MAP3K5: variants seen among roughly 807,000 people sequenced by gnomAD.
MAP3K5 encodes the protein mitogen-activated protein kinase kinase kinase 5, also known as ASK-1.
A neutral mutation model predicts 158.7 loss-of-function variants in MAP3K5; 56 were observed. The ratio of observed to expected loss-of-function variants is 0.35; its 90% CI spans 0.28 to 0.44. The LOEUF (loss-of-function observed/expected upper bound fraction) is 0.44. Ranked by LOEUF, MAP3K5 falls within the 20% of genes least tolerant of loss-of-function variation. The probability of loss-of-function intolerance (pLI) is 1.00; values close to 1 mark genes in which losing one functional copy is unlikely to be tolerated. For synonymous variants in MAP3K5, 579 were observed against 601.7 expected, an observed-to-expected ratio of 0.96 and a Z score of 0.55; for missense variants, 1,294 against 1,674.8, an observed-to-expected ratio of 0.77 and a Z score of 3.97.
At chr6:136,574,324 G>T (rs757283096) in intron 25 of MAP3K5, among the ~76,000 whole-genome samples, 1 of 152,144 alleles carries the variant, frequency 6.6e-6, no homozygotes, top group East Asian at 1.9e-4. Flanking sequence ...GAAGCTCCTC[G>T]TACGTACACA....
At chr6:136,751,765 T>C (rs773834352) in intron 1 of MAP3K5, among the ~76,000 whole-genome samples, 5 of 152,238 alleles carry the variant, frequency 3.3e-5, no homozygotes, top group Admixed American at 6.5e-5. Flanking sequence ...AAAGTAGATT[T>C]AGGCTTGCAT....
Position 136,719,155 on chromosome 6 carries a change from G to A in MAP3K5, c.588+1295C>T, listed in dbSNP as rs561885044. 1.1e-3 allele frequency among the ~76,000 whole-genome samples: 163 copies of A among 152,276 alleles called. 2 individuals carry two copies. Among genetic ancestry groups the A allele is most frequent in the Middle Eastern group, 0.01 (3 of 294 alleles). On this transcript the variant is annotated intron_variant, in intron 2 of 29. Coordinates refer to ENST00000359015, the MANE Select transcript of MAP3K5 (RefSeq NM_005923.4). ...CACGACACTGCATTCCAGCCTGGGT[G>A]AGAGAGCGAGATCCTGTCTAAATAA...
chr6:136,557,609 G>C lies in MAP3K5; in HGVS notation c.*149C>G. 1.7e-6 allele frequency: 1 copy of C among 577,068 alleles called. No homozygotes were observed. Among genetic ancestry groups the C allele is most frequent in the Non-Finnish European group, 3.1e-6 (1 of 326,718 alleles). The allele number at this position is 577,068 out of a possible 1,614,324, so 35.7% of individuals were successfully genotyped here. On this transcript the variant is annotated 3_prime_UTR_variant, in exon 30 of 30. Transcript: ENST00000359015. ...TAGTTAGGAAATTTCAGTGTGTTTT[G>C]TCTGTTTTTTTTTTTTTTAACATGA...
intron 9 of MAP3K5, among the ~76,000 whole-genome samples, chr6:136,657,418 T>TA (rs1392887187): frequency 6.6e-6 from 1 of 152,200 alleles, no homozygotes; most frequent in Admixed American, 6.5e-5. Context: ...GTTTTCTTGT[T>TA]AAAAAACCAG....
At chr6:136,635,653 C>T (rs1486670357) in intron 14 of MAP3K5, among the ~76,000 whole-genome samples, 5 of 145,716 alleles carry the variant, frequency 3.4e-5, no homozygotes, top group East Asian at 2.0e-4. Flanking sequence ...TTTGGGAGGC[C>T]GAAGAGGGAG....
rs543163894 is a variant in MAP3K5, at chr6:136,649,307, C to T, written c.1788+1677G>A. ...TTAATTAAACCAGCTCCCTGGGTGA[C>T]TCTAATGCTGGTGTTCCAGGGAACC... is the stretch of plus-strand genomic sequence containing the variant. On this transcript the variant is annotated intron_variant, in intron 11 of 29. Coordinates refer to ENST00000359015, the MANE Select transcript of MAP3K5 (RefSeq NM_005923.4). Among the ~76,000 whole-genome samples the T allele has an allele frequency of 5.3e-5, 8 of 152,324 alleles. No individual in the cohort carries two copies. The South Asian group carries it at 1.7e-3, about 32-fold the overall frequency.
chr6:136,599,475 ATCTCTC>A (rs71737097), intron 21 of MAP3K5, among the ~76,000 whole-genome samples: 111 of 142,086 alleles, frequency 7.8e-4, no homozygotes, highest in African/African-American at 1.3e-3. Context: ...CACTTAAAGG[ATCTCTC>A]TCTCTCTCTC....
chr6:136,759,671 C>T (rs182430859), intron 1 of MAP3K5, among the ~76,000 whole-genome samples: 3 of 151,240 alleles, frequency 2.0e-5, no homozygotes, highest in African/African-American at 4.8e-5. Context: ...GAGGTTTTTG[C>T]CATATTGCCC....
chr6:136,595,726 C>T (rs1238040019), intron 21 of MAP3K5, among the ~76,000 whole-genome samples: 2 of 152,046 alleles, frequency 1.3e-5, no homozygotes, highest in African/African-American at 4.8e-5. Context: ...ATGAAGACGG[C>T]AATTGGGCGG....
chr6:136,597,303 G>C (rs995716668), intron 21 of MAP3K5, among the ~76,000 whole-genome samples: 14 of 152,212 alleles, frequency 9.2e-5, no homozygotes. Flanking sequence ...CTATGGAAGG[G>C]AGACAGTGCG....
chr6:136,689,962 T>C (rs1780318458), intron 7 of MAP3K5, among the ~76,000 whole-genome samples: 1 of 152,090 alleles, frequency 6.6e-6, no homozygotes. Context: ...CTAAACTAAG[T>C]TGGCCTCCTT....
intron 17 of MAP3K5, among the ~76,000 whole-genome samples, 188 bp from the exon 18 acceptor site, chr6:136,611,575 T>C (rs999541511): frequency 2.0e-5 from 3 of 152,254 alleles, no homozygotes; most frequent in Non-Finnish European, 4.4e-5. Context: ...TTACATATTA[T>C]CAGTTTGAAA....
Position 136,609,323 on chromosome 6 carries a change from T to C in MAP3K5, c.2521+1959A>G, listed in dbSNP as rs1776232877. ...AAAAATATATTCAAAATGTGTTTAA[T>C]TCTGTACCCTAAAATATCCATTGCC... On this transcript the variant is annotated intron_variant, in intron 18 of 29. Coordinates refer to ENST00000359015, the MANE Select transcript of MAP3K5 (RefSeq NM_005923.4). The surrounding 1 kb of genome is among the most constrained non-coding windows in gnomAD (Gnocchi z 4.4). 6.6e-6 allele frequency among the ~76,000 whole-genome samples: 1 copy of C among 152,204 alleles called. No homozygotes were observed. Among genetic ancestry groups the C allele is most frequent in the Non-Finnish European group, 1.5e-5 (1 of 68,036 alleles).
At chr6:136,735,330 T>C (rs1782411098) in intron 1 of MAP3K5, among the ~76,000 whole-genome samples, 3 of 152,176 alleles carry the variant, frequency 2.0e-5, no homozygotes, top group African/African-American at 7.2e-5. Context: ...AGAAATTAGA[T>C]ATTAAAAGAG....
chr6:136,784,538 T>C (rs1784759737), intron 1 of MAP3K5, among the ~76,000 whole-genome samples: 1 of 152,102 alleles, frequency 6.6e-6, no homozygotes, highest in South Asian at 2.1e-4. Context: ...TTTTAAAAAA[T>C]CCTTCCCTAA....
At position 136,605,194 on chromosome 6, in the gene MAP3K5, G is replaced by T. The variant is rs1300557228; in HGVS notation, c.2679+15C>A. 1 of 1,608,840 alleles carries T rather than the reference G, an allele frequency of 6.2e-7. No homozygotes were observed. Among genetic ancestry groups the T allele is most frequent in the Non-Finnish European group, 8.5e-7 (1 of 1,178,644 alleles). On this transcript the variant is annotated intron_variant, in intron 19 of 29. Coordinates refer to ENST00000359015, the MANE Select transcript of MAP3K5 (RefSeq NM_005923.4). Reference sequence around the variant, plus strand: ...AAGCTTTATCCATTTGTTTTTAAGAGAAATGAAGTGTGACCTTGAACATAG... The same window carrying T: ...AAGCTTTATCCATTTGTTTTTAAGATAAATGAAGTGTGACCTTGAACATAG...
intron 8 of MAP3K5, among the ~76,000 whole-genome samples, chr6:136,668,410 G>T (rs1779320972): frequency 6.6e-6 from 1 of 152,072 alleles, no homozygotes; most frequent in Non-Finnish European, 1.5e-5. Flanking sequence ...TTATTTTGAA[G>T]AAAAAGTTTC....
At chr6:136,683,958 G>A (rs1372313700) in intron 7 of MAP3K5, among the ~76,000 whole-genome samples, 1 of 152,182 alleles carries the variant, frequency 6.6e-6, no homozygotes, top group East Asian at 1.9e-4. Context: ...GTGACCAGGT[G>A]TGGTGGCTCC....
At chr6:136,560,576 G>A (rs372613914) in intron 28 of MAP3K5, among the ~76,000 whole-genome samples, 43 of 152,082 alleles carry the variant, frequency 2.8e-4, no homozygotes, top group African/African-American at 9.7e-4. Flanking sequence ...GAAATAAGTC[G>A]ACCAGATTGA....
Sources: gnomAD v4.1 joint callset for allele counts (sites outside exome capture counted in the v4.1 genomes callset) on GRCh38, gnomAD v4.1.1 for gene constraint, Gnocchi (gnomAD v3.1) non-coding constraint, MANE v1.5 for transcripts, NCBI Gene and HGNC (gene_info 2026-07-23, HGNC 2026-07-21) for gene names.